The following VPS37A variants were observed in gnomAD, a reference collection of about 807,000 sequenced individuals.
The protein encoded by VPS37A is vacuolar protein sorting-associated protein 37A.
A neutral mutation model predicts 49.8 loss-of-function variants in VPS37A; 30 were observed. That is an observed-to-expected ratio of 0.60 (90% CI 0.45 to 0.82). The LOEUF (loss-of-function observed/expected upper bound fraction) is 0.82, where lower values mean the gene tolerates loss of function less well. VPS37A is among the 40% of genes least tolerant of loss of function. VPS37A has a pLI of 0.00. For missense variants in VPS37A, 593 were observed against 464.4 expected, an observed-to-expected ratio of 1.28 and a Z score of -2.55; for synonymous variants, 195 against 160.6, an observed-to-expected ratio of 1.21 and a Z score of -1.62.
At chr8:17,333,260 G>A in the VPS37A span, among the ~76,000 whole-genome samples, 1 of 152,250 alleles carries the variant, frequency 6.6e-6, no homozygotes, top group Non-Finnish European at 1.5e-5. Context: ...TTAAAATAAT[G>A]CATTTTAAGA....
intron 11 of VPS37A, among the ~76,000 whole-genome samples, chr8:17,288,685 G>C (rs1160362647): frequency 1.3e-5 from 2 of 152,164 alleles, no homozygotes; most frequent in Non-Finnish European, 2.9e-5. Flanking sequence ...AAACATACGT[G>C]TGCATGCGCC....
At chr8:17,290,892 T>G (rs1816078498) in intron 11 of VPS37A, among the ~76,000 whole-genome samples, 1 of 152,206 alleles carries the variant, frequency 6.6e-6, no homozygotes, top group Non-Finnish European at 1.5e-5. Context: ...TTCTTCCTGG[T>G]TGGGAGGATG....
intron 11 of VPS37A, among the ~76,000 whole-genome samples, chr8:17,291,284 A>T (rs2150427398): frequency 6.6e-6 from 1 of 152,312 alleles, no homozygotes; most frequent in Non-Finnish European, 1.5e-5. Context: ...AAGTGCTGGG[A>T]TTACAGGTGT....
downstream of VPS37A, chr8:17,301,950 A>T (rs1216783794): frequency 1.8e-6 from 1 of 562,374 alleles, no homozygotes; most frequent in Non-Finnish European, 2.9e-6. Flanking sequence ...CTGAGCCACA[A>T]ACCAGATGTG....
the VPS37A span, among the ~76,000 whole-genome samples, chr8:17,310,719 G>A: frequency 6.6e-6 from 1 of 152,172 alleles, no homozygotes; most frequent in Non-Finnish European, 1.5e-5. Flanking sequence ...TCTTGTCCGA[G>A]GGTGTTGCTG....
At chr8:17,256,202 A>G (rs951380740) in intron 1 of VPS37A, among the ~76,000 whole-genome samples, 3 of 148,218 alleles carry the variant, frequency 2.0e-5, no homozygotes, top group Non-Finnish European at 3.0e-5. Flanking sequence ...CACCAGCAGT[A>G]TATCAGGGTT....
chr8:17,331,424 C>T, the VPS37A span: 3 of 836,318 alleles, frequency 3.6e-6, no homozygotes, highest in African/African-American at 1.7e-5. Flanking sequence ...ATCACTGCAA[C>T]CTTGTACTGA....
In VPS37A at chr8:17,247,035, A is replaced by C. The variant is rs867834831; in HGVS notation, c.-210A>C. On this transcript the variant is annotated 5_prime_UTR_variant, in exon 1 of 12. Transcript: ENST00000324849. ...GTGGGACCTCCTGTTCCGGGCCGCA[A>C]GTTTCCCTCTCCAGCCGCCCGCCGT... 6.2e-6 allele frequency: 4 copies of C among 641,614 alleles called. No individual in the cohort carries two copies. The highest frequency in any genetic ancestry group is 3.7e-5 in the African/African-American group (2 of 54,248). The allele number at this position is 641,614 out of a possible 1,614,324, so 39.7% of individuals were successfully genotyped here.
At chr8:17,247,465 A>G (rs1437358959) in intron 1 of VPS37A, 96 bp downstream of exon 1, 7 of 1,467,986 alleles carry the variant, frequency 4.8e-6, no homozygotes, top group Non-Finnish European at 5.5e-6. Flanking sequence ...GCTCCCCACC[A>G]GCTCCTCATG....
chr8:17,257,182 C>A, intron 1 of VPS37A, among the ~76,000 whole-genome samples: 1 of 152,136 alleles, frequency 6.6e-6, no homozygotes, highest in East Asian at 1.9e-4. Context: ...TTGAAAACAT[C>A]ATCCTTTCTC....
intron 4 of VPS37A, chr8:17,272,188 G>C: frequency 2.4e-6 from 1 of 420,966 alleles, no homozygotes. Context: ...CAGCCTCTTT[G>C]AGGCCCATTA....
At chr8:17,247,608 C>A (rs1445912338) in intron 1 of VPS37A, 1 of 708,478 alleles carries the variant, frequency 1.4e-6, no homozygotes, top group East Asian at 2.7e-5. Flanking sequence ...TTCCTCATCC[C>A]TCCTGACACA....
chr8:17,307,431 G>A, the VPS37A span, among the ~76,000 whole-genome samples: 1 of 152,168 alleles, frequency 6.6e-6, no homozygotes, highest in African/African-American at 2.4e-5. Context: ...CTTTTACACT[G>A]TTGGTGGGAC....
At chr8:17,276,096 A>G (rs753024564) in intron 5 of VPS37A, among the ~76,000 whole-genome samples, 6 of 152,116 alleles carry the variant, frequency 3.9e-5, no homozygotes, top group Admixed American at 3.3e-4. Context: ...AAACATATTC[A>G]TATATACCAA....
At chr8:17,269,709 G>A (rs1485531829) in intron 4 of VPS37A, among the ~76,000 whole-genome samples, 1 of 151,882 alleles carries the variant, frequency 6.6e-6, no homozygotes, top group Non-Finnish European at 1.5e-5. Context: ...TTTTCCCTTT[G>A]CCACTTTCTT....
intron 1 of VPS37A, among the ~76,000 whole-genome samples, chr8:17,255,106 A>G (rs536102991): frequency 2.0e-5 from 3 of 152,220 alleles, no homozygotes; most frequent in African/African-American, 4.8e-5. Flanking sequence ...TCCTTGCAGG[A>G]TGCTGGATAT....
intron 1 of VPS37A, among the ~76,000 whole-genome samples, chr8:17,265,076 G>A (rs550096487): frequency 1.3e-5 from 2 of 152,262 alleles, no homozygotes; most frequent in Non-Finnish European, 2.9e-5. Context: ...GAGTTTGACA[G>A]TTGCATAGTC....
chr8:17,249,175 C>T (rs577777386), intron 1 of VPS37A, among the ~76,000 whole-genome samples: 1 of 152,174 alleles, frequency 6.6e-6, no homozygotes, highest in African/African-American at 2.4e-5. Context: ...TTTTTAAATA[C>T]TACAAAGTCT....
In VPS37A at chr8:17,279,904, G is replaced by A. The variant is rs17587086; in HGVS notation, c.714-124G>A. The A allele has an allele frequency of 0.15, 178,500 of 1,177,094 alleles. 15,753 individuals are homozygous for A. Among genetic ancestry groups the A allele is most frequent in the Non-Finnish European group, 0.18 (144,860 of 803,112 alleles). The allele number at this position is 1,177,094 out of a possible 1,614,324, so 72.9% of individuals were successfully genotyped here. On this transcript the variant is annotated intron_variant, in intron 6 of 11. Coordinates refer to ENST00000324849, the MANE Select transcript of VPS37A (RefSeq NM_152415.3). ...TTTAAGGTTAAAACTGGCAGCCTTA[G>A]GTGTATATGTAAAAATTATTTAGAA... is the stretch of plus-strand genomic sequence containing the variant.
Sources: gnomAD v4.1 joint callset for allele counts (sites outside exome capture counted in the v4.1 genomes callset) on GRCh38, gnomAD v4.1.1 for gene constraint, MANE v1.5 for transcripts, NCBI Gene and HGNC (gene_info 2026-07-23, HGNC 2026-07-21) for gene names.